GJB7: variants seen among roughly 807,000 people sequenced by gnomAD.
GJB7 encodes the protein gap junction protein beta 7, also known as gap junction beta-7 protein.
For missense variants in GJB7, 253 were observed against 256.8 expected (o/e 0.99, Z 0.10); for synonymous variants, 87 against 95.2 (o/e 0.91, Z 0.50).
At chr6:87,314,996 CTCTCTCATG>C (rs1376699042) in intron 2 of GJB7, among the ~76,000 whole-genome samples, 4 of 152,146 alleles carry the variant, frequency 2.6e-5, no homozygotes, top group Non-Finnish European at 5.9e-5. Flanking sequence ...GAGACGATAG[CTCTCTCATG>C]TGTACTCAGA....
chr6:87,313,867 A>G (rs1277303709), intron 2 of GJB7, among the ~76,000 whole-genome samples: 1 of 152,216 alleles, frequency 6.6e-6, no homozygotes, highest in African/African-American at 2.4e-5. Flanking sequence ...AGAGGCTCTG[A>G]GAATGGGATC....
At chr6:87,301,570 G>C (rs1776327884) in intron 2 of GJB7, among the ~76,000 whole-genome samples, 1 of 152,200 alleles carries the variant, frequency 6.6e-6, no homozygotes, top group Non-Finnish European at 1.5e-5. Context: ...GCTCAAGGAG[G>C]CCTGCCTGCC....
chr6:87,301,472 A>C (rs1340850629), intron 2 of GJB7, among the ~76,000 whole-genome samples: 2 of 152,076 alleles, frequency 1.3e-5, no homozygotes, highest in African/African-American at 4.8e-5. Context: ...GGCAGCAGCG[A>C]GGGTGGGGGA....
chr6:87,326,181 C>T (rs955863877), intron 1 of GJB7, among the ~76,000 whole-genome samples: 13 of 152,028 alleles, frequency 8.6e-5, no homozygotes, highest in Non-Finnish European at 1.3e-4. Flanking sequence ...GTCTTGCTAG[C>T]GGTCTATCAA....
intron 2 of GJB7, among the ~76,000 whole-genome samples, chr6:87,285,562 C>A (rs986541043): frequency 2.4e-4 from 37 of 152,210 alleles, no homozygotes; most frequent in Non-Finnish European, 3.5e-4. Flanking sequence ...ACCAAATTTA[C>A]CTTCTTTACC....
intron 2 of GJB7, among the ~76,000 whole-genome samples, chr6:87,289,915 C>A (rs1220678645): frequency 2.0e-5 from 3 of 152,178 alleles, no homozygotes; most frequent in Non-Finnish European, 2.9e-5. Context: ...CGTCATTCCC[C>A]AAAAGTGCTG....
At chr6:87,317,491 G>A (rs544435451) in intron 2 of GJB7, among the ~76,000 whole-genome samples, 205 of 150,208 alleles carry the variant, frequency 1.4e-3, no homozygotes, top group African/African-American at 4.7e-3. Flanking sequence ...GTGCAATGGC[G>A]TGATCTCAGC....
At chr6:87,305,152 C>T (rs1776403955) in intron 2 of GJB7, among the ~76,000 whole-genome samples, 1 of 152,142 alleles carries the variant, frequency 6.6e-6, no homozygotes, top group Non-Finnish European at 1.5e-5. Context: ...TCCTATTCAA[C>T]ATAGTGTTGG....
chr6:87,314,102 G>T (rs1205618583), intron 2 of GJB7, among the ~76,000 whole-genome samples: 1 of 152,198 alleles, frequency 6.6e-6, no homozygotes, highest in African/African-American at 2.4e-5. Flanking sequence ...CTACATTAAA[G>T]TTGTTTTATT....
chr6:87,306,857 G>A (rs1189449574), intron 2 of GJB7, among the ~76,000 whole-genome samples: 3 of 152,140 alleles, frequency 2.0e-5, no homozygotes, highest in East Asian at 1.9e-4. Flanking sequence ...AAAAAATGAT[G>A]AGTTCATGTC....
intron 1 of GJB7, among the ~76,000 whole-genome samples, chr6:87,323,839 G>A (rs1017060031): frequency 6.6e-6 from 1 of 152,058 alleles, no homozygotes; most frequent in African/African-American, 2.4e-5. Flanking sequence ...AGATCCCTGA[G>A]GAATCGCCAC....
chr6:87,306,164 A>G (rs1158288720), intron 2 of GJB7, among the ~76,000 whole-genome samples: 1 of 152,118 alleles, frequency 6.6e-6, no homozygotes, highest in Non-Finnish European at 1.5e-5. Context: ...AACAAAAGCC[A>G]AAATTGACAA....
chr6:87,308,050 A>C (rs1320850395), intron 2 of GJB7, among the ~76,000 whole-genome samples: 1 of 152,264 alleles, frequency 6.6e-6, no homozygotes, highest in African/African-American at 2.4e-5. Context: ...GTAGCCATAA[A>C]AAATGATGAG....
At chr6:87,295,274 A>C (rs1776233798) in intron 2 of GJB7, among the ~76,000 whole-genome samples, 1 of 152,220 alleles carries the variant, frequency 6.6e-6, no homozygotes, top group African/African-American at 2.4e-5. Flanking sequence ...AGATACCTAC[A>C]TGAAGAAGGA....
intron 2 of GJB7, among the ~76,000 whole-genome samples, chr6:87,301,959 C>T (rs60818849): frequency 0.015 from 2,238 of 152,300 alleles, 58 homozygotes; most frequent in African/African-American, 0.05. Flanking sequence ...CAGACCTGCA[C>T]CTGAGGGTCC....
At chr6:87,325,175 A>G (rs188303654) in intron 1 of GJB7, among the ~76,000 whole-genome samples, 58 of 152,262 alleles carry the variant, frequency 3.8e-4, no homozygotes, top group African/African-American at 1.4e-3. Flanking sequence ...GGCTGAGACA[A>G]TGGGGTTTTC....
At chr6:87,291,321 AT>A (rs1011959132) in intron 2 of GJB7, among the ~76,000 whole-genome samples, 56 of 152,368 alleles carry the variant, frequency 3.7e-4, no homozygotes, top group African/African-American at 1.1e-3. Flanking sequence ...TATTAAAAAA[AT>A]AATATAAAAA....
intron 2 of GJB7, among the ~76,000 whole-genome samples, chr6:87,303,546 A>G (rs1297186957): frequency 6.6e-6 from 1 of 152,208 alleles, no homozygotes; most frequent in Non-Finnish European, 1.5e-5. Flanking sequence ...AGAGACCTAC[A>G]AAGAGACTTA....
intron 2 of GJB7, among the ~76,000 whole-genome samples, chr6:87,318,480 C>T (rs1250419470): frequency 6.6e-6 from 1 of 152,200 alleles, no homozygotes; most frequent in Non-Finnish European, 1.5e-5. Context: ...GGCTTGCACA[C>T]CTGTCTGGTC....
Sources: allele counts gnomAD v4.1 joint callset (sites outside exome capture counted in the v4.1 genomes callset), GRCh38; gene constraint gnomAD v4.1.1; transcripts MANE v1.5; gene names NCBI Gene and HGNC (gene_info 2026-07-23, HGNC 2026-07-21).